The following EFCAB6 variants were observed in gnomAD, a reference collection of about 807,000 sequenced individuals.
EFCAB6 encodes the protein EF-hand calcium-binding domain-containing protein 6.
A neutral mutation model predicts 169.8 loss-of-function variants in EFCAB6; 156 were observed. That is an observed-to-expected ratio of 0.92 (90% CI 0.81 to 1.05). The LOEUF is 1.05. Among genes scored for constraint, EFCAB6 ranks in the 50% least tolerant of loss-of-function variants. The pLI, the probability that EFCAB6 is intolerant of heterozygous loss-of-function variation, is 0.00. For missense variants in EFCAB6, 1,800 were observed against 1,829.1 expected (o/e 0.98, Z 0.29); for synonymous variants, 698 against 676.4 (o/e 1.03, Z -0.50).
chr22:43,623,662 A>G (rs1056644316), intron 20 of EFCAB6, among the ~76,000 whole-genome samples: 9 of 151,062 alleles, frequency 6.0e-5, no homozygotes, highest in Non-Finnish European at 8.9e-5. Flanking sequence ...TTGGGAGGCC[A>G]AGGTGGGCGT....
intron 17 of EFCAB6, among the ~76,000 whole-genome samples, chr22:43,639,638 T>C (rs906972432): frequency 2.0e-5 from 3 of 152,220 alleles, no homozygotes; most frequent in Admixed American, 6.5e-5. Flanking sequence ...TGTAATATCC[T>C]ACTTGGGGTT....
chr22:43,630,146 C>T (rs949197770), intron 19 of EFCAB6, among the ~76,000 whole-genome samples: 1 of 151,914 alleles, frequency 6.6e-6, no homozygotes, highest in Non-Finnish European at 1.5e-5. Flanking sequence ...CAAAAAAATT[C>T]AAAAAAAGTG....
In EFCAB6 at chr22:43,795,819, AACACACAC is replaced by A. The variant is rs140641457; in HGVS notation, c.-8+13168_-8+13175del. ...GCCATTCAGACAGCACTCGCCTCCC[AACACACAC>A]ACACACACACACACTACACACTCAC... On this transcript the variant is annotated intron_variant, in intron 2 of 31. Transcript: ENST00000262726. The surrounding 1 kb of genome is among the most constrained non-coding windows in gnomAD (Gnocchi z 4.2). Among the ~76,000 whole-genome samples, 3 of 148,846 alleles carry A rather than the reference AACACACAC, an allele frequency of 2.0e-5. No individual in the cohort carries two copies. The highest frequency in any genetic ancestry group is 4.5e-5 in the Non-Finnish European group (3 of 66,880).
At chr22:43,787,870 G>A (rs1365136488) in intron 2 of EFCAB6, among the ~76,000 whole-genome samples, 2 of 152,162 alleles carry the variant, frequency 1.3e-5, no homozygotes, top group East Asian at 1.9e-4. Flanking sequence ...AAGCAACAGT[G>A]ATCAAGACAG....
chr22:43,630,917 G>GA (rs1233878886), intron 19 of EFCAB6, among the ~76,000 whole-genome samples: 1 of 152,144 alleles, frequency 6.6e-6, no homozygotes, highest in Non-Finnish European at 1.5e-5. Flanking sequence ...CAAAAATTAG[G>GA]ATGCACATTC....
In EFCAB6 at chr22:43,537,995, C is replaced by G. The variant is rs561754995; in HGVS notation, c.3880-450G>C. Among the ~76,000 whole-genome samples, 3 of 152,312 alleles carry G rather than the reference C, an allele frequency of 2.0e-5. No homozygotes were observed. The highest frequency in any genetic ancestry group is 2.1e-4 in the South Asian group (1 of 4,830). ...TATGTGGATCAAGTACGAGGCTGTT[C>G]TTTGCTTTATTGTATTTCCTATTTA... On this transcript the variant is annotated intron_variant, in intron 28 of 31. Transcript: ENST00000262726. This position sits in a 1 kb window ranked among gnomAD's most constrained non-coding sequence, Gnocchi z 4.3.
chr22:43,674,766 A>C, intron 13 of EFCAB6, among the ~76,000 whole-genome samples: 1 of 152,182 alleles, frequency 6.6e-6, no homozygotes, highest in East Asian at 1.9e-4. Context: ...GTGGTACCAT[A>C]ATCAACCTGG....
At chr22:43,579,120 A>G (rs1011182965) in intron 25 of EFCAB6, among the ~76,000 whole-genome samples, 2 of 139,014 alleles carry the variant, frequency 1.4e-5, no homozygotes, top group Non-Finnish European at 3.1e-5. Context: ...GCATCATTCC[A>G]TAAGTATAGG....
chr22:43,585,539 C>A (rs2051006834), intron 24 of EFCAB6, among the ~76,000 whole-genome samples: 1 of 151,222 alleles, frequency 6.6e-6, no homozygotes, highest in African/African-American at 2.5e-5. Context: ...GAGAAATAAG[C>A]AAACAAACAA....
At chr22:43,608,651 A>G (rs1280036453) in intron 21 of EFCAB6, 51 bp from the exon 22 acceptor site, 3 of 1,554,112 alleles carry the variant, frequency 1.9e-6, no homozygotes, top group Non-Finnish European at 2.7e-6. Context: ...TGCGTATGAC[A>G]GCAGAAAAGA....
intron 17 of EFCAB6, among the ~76,000 whole-genome samples, chr22:43,663,868 T>C (rs1261850295): frequency 6.6e-6 from 1 of 152,218 alleles, no homozygotes; most frequent in Non-Finnish European, 1.5e-5. Flanking sequence ...CACCTGAGCC[T>C]GGACTTCCAG....
intron 10 of EFCAB6, among the ~76,000 whole-genome samples, chr22:43,703,444 T>C (rs1207005027): frequency 1.3e-5 from 2 of 151,924 alleles, no homozygotes; most frequent in African/African-American, 2.4e-5. Flanking sequence ...GACAGAAGGG[T>C]AACAGACTCA....
intron 17 of EFCAB6, among the ~76,000 whole-genome samples, chr22:43,647,558 G>T (rs1487220871): frequency 6.6e-6 from 1 of 152,164 alleles, no homozygotes; most frequent in East Asian, 1.9e-4. Flanking sequence ...TACCCCAAAA[G>T]GTATAATGAG....
At chr22:43,669,438 T>G (rs1279213975) in intron 15 of EFCAB6, among the ~76,000 whole-genome samples, 1 of 152,162 alleles carries the variant, frequency 6.6e-6, no homozygotes, top group Non-Finnish European at 1.5e-5. Context: ...ATCACAAAAT[T>G]GTTATGCTTG....
At chr22:43,577,141 C>T (rs528140040) in intron 25 of EFCAB6, among the ~76,000 whole-genome samples, 2 of 152,124 alleles carry the variant, frequency 1.3e-5, no homozygotes, top group African/African-American at 2.4e-5. Context: ...CGGGGGCACA[C>T]GTTGTGAATC....
At chr22:43,803,743 C>T (rs2062815694) in intron 2 of EFCAB6, among the ~76,000 whole-genome samples, 1 of 152,132 alleles carries the variant, frequency 6.6e-6, no homozygotes, top group Non-Finnish European at 1.5e-5. Context: ...CAAAATGCTT[C>T]ACTCTCGGTA....
intron 4 of EFCAB6, among the ~76,000 whole-genome samples, chr22:43,766,876 T>C (rs1408777217): frequency 6.6e-6 from 1 of 152,130 alleles, no homozygotes; most frequent in Admixed American, 6.5e-5. Flanking sequence ...TAATTTTTTT[T>C]TGAGATGGAG....
At chr22:43,566,603 C>T (rs146214906) in intron 26 of EFCAB6, among the ~76,000 whole-genome samples, 153 of 152,328 alleles carry the variant, frequency 1.0e-3, no homozygotes, top group Middle Eastern at 3.4e-3. Context: ...CCAGCAGGTG[C>T]TGGAGATGGA....
chr22:43,530,693 T>G, intron 31 of EFCAB6, 122 bp downstream of exon 31: 2 of 1,523,014 alleles, frequency 1.3e-6, no homozygotes, highest in Middle Eastern at 2.5e-4. Flanking sequence ...AAGTGAGATC[T>G]GAAGCAGCCA....
Sources: gnomAD v4.1 joint callset for allele counts (sites outside exome capture counted in the v4.1 genomes callset) on GRCh38, gnomAD v4.1.1 for gene constraint, Gnocchi (gnomAD v3.1) non-coding constraint, MANE v1.5 for transcripts, NCBI Gene and HGNC (gene_info 2026-07-23, HGNC 2026-07-21) for gene names.